TSHR: variants seen among roughly 807,000 people sequenced by gnomAD.
The protein encoded by TSHR is thyrotropin receptor.
Under a neutral mutation model 64.1 loss-of-function variants are expected in TSHR, and 51 were observed. The observed-to-expected ratio is 0.80, with a 90% CI of 0.64 to 1.01. The LOEUF is 1.01. TSHR is among the 50% of genes least tolerant of loss of function. The pLI is 0.00. For synonymous variants in TSHR, 361 were observed against 361.9 expected (o/e 1.00, Z 0.03); for missense variants, 877 against 942.8 (o/e 0.93, Z 0.91).
intron 1 of TSHR, chr14:81,033,484 A>G (rs1195444787): frequency 1.9e-5 from 3 of 154,412 alleles, no homozygotes. Context: ...TAACTGGGAA[A>G]AGAAATTGTG....
At chr14:81,129,559 T>A (rs1020643482) in intron 8 of TSHR, among the ~76,000 whole-genome samples, 12 of 152,136 alleles carry the variant, frequency 7.9e-5, no homozygotes, top group African/African-American at 2.9e-4. Flanking sequence ...AGCAATCACA[T>A]CCCACTTCCC....
intron 2 of TSHR, among the ~76,000 whole-genome samples, chr14:81,064,469 A>G (rs1311542329): frequency 1.3e-5 from 2 of 152,126 alleles, no homozygotes; most frequent in East Asian, 3.9e-4. Flanking sequence ...ATCAGGACAC[A>G]GACAGAATTT....
intron 2 of TSHR, among the ~76,000 whole-genome samples, chr14:81,064,008 TA>T (rs1886425021): frequency 6.6e-6 from 1 of 152,052 alleles, no homozygotes; most frequent in Admixed American, 6.6e-5. Flanking sequence ...AAATAAAACT[TA>T]GGTCTAAGTT....
intron 1 of TSHR, among the ~76,000 whole-genome samples, chr14:80,984,504 G>A (rs889646425): frequency 6.6e-6 from 1 of 152,114 alleles, no homozygotes; most frequent in Non-Finnish European, 1.5e-5. Context: ...ATTAGAGAGG[G>A]TAAGTACTTT....
chr14:81,032,827 G>C (rs1280147832), intron 1 of TSHR: 6 of 382,370 alleles, frequency 1.6e-5, no homozygotes, highest in Non-Finnish European at 3.0e-5. Context: ...AAGATGCTAA[G>C]ATACTATCAA....
intron 1 of TSHR, among the ~76,000 whole-genome samples, chr14:81,006,140 G>T (rs1317825281): frequency 6.6e-6 from 1 of 152,108 alleles, no homozygotes; most frequent in Non-Finnish European, 1.5e-5. Context: ...ACAGTTTTAG[G>T]TTTTAAAAAA....
At chr14:80,959,127 TC>T (rs1334670873) in intron 1 of TSHR, among the ~76,000 whole-genome samples, 12 of 152,160 alleles carry the variant, frequency 7.9e-5, no homozygotes, top group Admixed American at 6.5e-5. Flanking sequence ...ACTGTGGCCC[TC>T]ACTGAAGAAG....
At chr14:81,096,779 G>A in intron 7 of TSHR, 72 bp downstream of exon 7, 1 of 1,495,444 alleles carries the variant, frequency 6.7e-7, no homozygotes, top group Non-Finnish European at 9.3e-7. Flanking sequence ...GCAGAATGCT[G>A]TTGAGAGATA....
intron 1 of TSHR, chr14:80,982,251 C>A: frequency 1.5e-6 from 1 of 674,130 alleles, no homozygotes. Context: ...CTGGAGATTT[C>A]AGTCCCGAGG....
At chr14:81,127,753 G>A (rs1159704573) in intron 8 of TSHR, among the ~76,000 whole-genome samples, 1 of 152,132 alleles carries the variant, frequency 6.6e-6, no homozygotes, top group East Asian at 1.9e-4. Flanking sequence ...TGTAAGACGT[G>A]CCTTTTGCCT....
rs1566837420 is a variant in TSHR at position 81,145,977 on chromosome 14, C to T, written c.*1624C>T. The stretch of plus-strand genomic sequence containing the variant: ...CCACAGATGGTCCCTGCTGGACTCA[C>T]CTGGAATCTCTCCACAGCCATACCC... On this transcript the variant is annotated 3_prime_UTR_variant, in exon 10 of 10. Coordinates refer to ENST00000298171, the MANE Select transcript of TSHR (RefSeq NM_000369.5). 1 of 232,058 alleles carries T rather than the reference C, an allele frequency of 4.3e-6. No individual in the cohort carries two copies. Among genetic ancestry groups the T allele is most frequent in the Non-Finnish European group, 8.5e-6 (1 of 117,310 alleles). 14.4% of individuals were successfully genotyped at this position (232,058 alleles called of 1,614,324 possible).
intron 1 of TSHR, among the ~76,000 whole-genome samples, chr14:80,999,926 C>CTTTT (rs887541689): frequency 0.077 from 10,811 of 140,956 alleles, 648 homozygotes; most frequent in East Asian, 0.25. Flanking sequence ...AATTTTTTTT[C>CTTTT]TTTTTTTTCT....
rs1887060429 is a variant in TSHR at position 81,071,467 on chromosome 14, T to C, written c.317+3139T>C. Among the ~76,000 whole-genome samples, 4 of 152,242 alleles carry C rather than the reference T, an allele frequency of 2.6e-5. No homozygotes were observed. The South Asian group carries it at 8.3e-4, about 32-fold the overall frequency. On this transcript the variant is annotated intron_variant, in intron 3 of 9. Coordinates refer to ENST00000298171, the MANE Select transcript of TSHR (RefSeq NM_000369.5). ...TTTCAAGTGTTTCTTTAATGTAAAA[T>C]TTTTTTACCGTCATTGTTTCTTTTG... is the stretch of plus-strand genomic sequence containing the variant.
At chr14:81,117,404 C>A (rs1317797530) in intron 8 of TSHR, among the ~76,000 whole-genome samples, 4 of 109,670 alleles carry the variant, frequency 3.6e-5, no homozygotes, top group Non-Finnish European at 5.2e-5. Flanking sequence ...ACTACAAACA[C>A]CTCTACGCAA....
At chr14:81,047,253 G>A (rs929799243) in intron 1 of TSHR, among the ~76,000 whole-genome samples, 5 of 151,668 alleles carry the variant, frequency 3.3e-5, no homozygotes, top group Admixed American at 1.3e-4. Context: ...GGAAGAACTC[G>A]CTTTTTGGCC....
In TSHR at chr14:81,097,943, A is replaced by G. The variant is rs143011740; in HGVS notation, c.614+1236A>G. ...ACTACATAATTATAGGCAAAGTCTA[A>G]AAAGACTCTATCGAGTAAGGTGATA... On this transcript the variant is annotated intron_variant, in intron 7 of 9. Transcript: ENST00000298171. Among the ~76,000 whole-genome samples, 39 of 151,760 alleles carry G rather than the reference A, an allele frequency of 2.6e-4. 1 individual carries two copies. In the East Asian group the frequency reaches 7.2e-3, roughly 28 times the overall value.
intron 1 of TSHR, among the ~76,000 whole-genome samples, chr14:81,020,832 C>A (rs188093991): frequency 5.9e-5 from 9 of 152,252 alleles, no homozygotes; most frequent in African/African-American, 7.2e-5. Flanking sequence ...GAAGTCAAGG[C>A]AGAATATCCT....
At chr14:81,137,091 G>A (rs1411345264) in intron 8 of TSHR, among the ~76,000 whole-genome samples, 1 of 152,130 alleles carries the variant, frequency 6.6e-6, no homozygotes, top group Non-Finnish European at 1.5e-5. Context: ...AATGCTTTGA[G>A]AATTGAAACC....
chr14:81,113,689 A>C (rs28640259), intron 8 of TSHR, among the ~76,000 whole-genome samples: 1 of 152,170 alleles, frequency 6.6e-6, no homozygotes, highest in African/African-American at 2.4e-5. Context: ...TAAATGATGA[A>C]TGTCTTCAAA....
Sources: allele counts gnomAD v4.1 joint callset (sites outside exome capture counted in the v4.1 genomes callset), GRCh38; gene constraint gnomAD v4.1.1; transcripts MANE v1.5; gene names NCBI Gene and HGNC (gene_info 2026-07-23, HGNC 2026-07-21).